Variants in DYM observed in about 807,000 individuals in gnomAD.
The protein encoded by DYM is dyggve-Melchior-Clausen syndrome protein.
Under a neutral mutation model 93.1 loss-of-function variants are expected in DYM, and 78 were observed. The ratio of observed to expected loss-of-function variants is 0.84; its 90% confidence interval spans 0.70 to 1.01. The LOEUF (loss-of-function observed/expected upper bound fraction) is 1.01, where lower values mean the gene tolerates loss of function less well. DYM is among the 50% of genes least tolerant of loss of function. The probability of loss-of-function intolerance (pLI) is 0.00; values close to 1 mark genes in which losing one functional copy is unlikely to be tolerated. For missense variants in DYM, 789 were observed against 845.0 expected (o/e 0.93, Z 0.82); for synonymous variants, 321 against 319.7 (o/e 1.00, Z -0.04).
rs546955346 is a variant in DYM, at chr18:49,045,824, G to A, written c.2026-1620C>T. Among the ~76,000 whole-genome samples the A allele has an allele frequency of 5.1e-3, 779 of 152,230 alleles. 2 individuals carry two copies. Among genetic ancestry groups the A allele is most frequent in the Non-Finnish European group, 8.3e-3 (566 of 68,002 alleles). On this transcript the variant is annotated intron_variant, in intron 17 of 17. Transcript: ENST00000675505. ...AGGGGGTGGGGGAAGAGCACACACC[G>A]GGGAGCAGAGGCCAGACTGGGGAGC...
intron 11 of DYM, among the ~76,000 whole-genome samples, chr18:49,262,958 G>GA (rs1598976430): frequency 6.6e-6 from 1 of 151,986 alleles, no homozygotes; most frequent in African/African-American, 2.4e-5. Flanking sequence ...ATGAAAGTCA[G>GA]AAAAAAAGAA....
At chr18:49,435,789 C>A (rs1329318651) in intron 1 of DYM, among the ~76,000 whole-genome samples, 10 of 151,324 alleles carry the variant, frequency 6.6e-5, no homozygotes, top group Non-Finnish European at 1.2e-4. Flanking sequence ...CACTCCATCT[C>A]AAAAAAAACA....
At position 49,146,815 on chromosome 18, in the gene DYM, T is replaced by C. The variant is rs538360342; in HGVS notation, c.1728+16870A>G. ...AATGCCATCCCCATCAAGCTACCAA[T>C]GACCTTCTTCACAGAATTGGAAAAA... On this transcript the variant is annotated intron_variant, in intron 15 of 17. Coordinates refer to ENST00000675505, the MANE Select transcript of DYM (RefSeq NM_001353214.3). 3.9e-5 allele frequency among the ~76,000 whole-genome samples: 6 copies of C among 152,272 alleles called. No individual in the cohort carries two copies. In the South Asian group the frequency reaches 8.3e-4, roughly 21 times the overall value.
intron 3 of DYM, among the ~76,000 whole-genome samples, chr18:49,385,152 G>C (rs905112343): frequency 6.6e-6 from 1 of 152,112 alleles, no homozygotes; most frequent in African/African-American, 2.4e-5. Flanking sequence ...CAAGAAGTGA[G>C]GATACCCGGC....
At chr18:49,085,754 C>T (rs778936393) in intron 17 of DYM, among the ~76,000 whole-genome samples, 1 of 151,860 alleles carries the variant, frequency 6.6e-6, no homozygotes, top group East Asian at 1.9e-4. Context: ...ATTATAGGCA[C>T]CTGCCACCGC....
intron 6 of DYM, among the ~76,000 whole-genome samples, chr18:49,350,492 G>C (rs529707384): frequency 4.6e-5 from 7 of 152,076 alleles, no homozygotes; most frequent in Non-Finnish European, 8.8e-5. Context: ...CGGATCACGA[G>C]GTCAGGAGTT....
Position 49,085,606 on chromosome 18 carries a change from C to CTTTTTTTTTTTTT in DYM, c.2025+11783_2025+11795dup, listed in dbSNP as rs11437833. Among the ~76,000 whole-genome samples, 111 of 102,168 alleles carry CTTTTTTTTTTTTT rather than the reference C, an allele frequency of 1.1e-3. 7 individuals carry two copies. The highest frequency in any genetic ancestry group is 1.9e-3 in the Non-Finnish European group (95 of 50,726). 67.0% of individuals were successfully genotyped at this position (102,168 alleles called of 152,430 possible). ...GGCAGATGAATAAGGACAACTGGTC[C>CTTTTTTTTTTTTT]TTTTTTTTTTTTTTTTTTTTTGATG... is the stretch of plus-strand genomic sequence containing the variant. On this transcript the variant is annotated intron_variant, in intron 17 of 17. Coordinates refer to ENST00000675505, the MANE Select transcript of DYM (RefSeq NM_001353214.3).
At chr18:49,130,691 C>T (rs967367519) in intron 15 of DYM, among the ~76,000 whole-genome samples, 2 of 152,106 alleles carry the variant, frequency 1.3e-5, no homozygotes, top group Non-Finnish European at 2.9e-5. Context: ...CAATAGATTT[C>T]CTAGAATTAT....
intron 15 of DYM, among the ~76,000 whole-genome samples, chr18:49,143,932 T>C (rs1283999057): frequency 1.3e-5 from 2 of 152,140 alleles, no homozygotes; most frequent in Admixed American, 6.6e-5. Context: ...CATAAATATA[T>C]TGGTTAAGTA....
At chr18:49,131,975 G>C (rs969279965) in intron 15 of DYM, among the ~76,000 whole-genome samples, 1 of 152,128 alleles carries the variant, frequency 6.6e-6, no homozygotes, top group African/African-American at 2.4e-5. Context: ...AGAGACAGGA[G>C]ACACAACAAC....
intron 11 of DYM, among the ~76,000 whole-genome samples, chr18:49,268,529 G>A (rs563609621): frequency 2.0e-5 from 3 of 152,228 alleles, no homozygotes; most frequent in African/African-American, 7.2e-5. Context: ...ATACAGAAAA[G>A]TATAGAAAAT....
At chr18:49,153,042 T>C (rs561812067) in intron 15 of DYM, among the ~76,000 whole-genome samples, 2 of 152,306 alleles carry the variant, frequency 1.3e-5, no homozygotes, top group African/African-American at 2.4e-5. Flanking sequence ...GTGTATAGCA[T>C]GGTGACTGTA....
intron 8 of DYM, among the ~76,000 whole-genome samples, chr18:49,292,603 A>AC (rs2060222990): frequency 1.5e-5 from 1 of 66,236 alleles, no homozygotes; most frequent in African/African-American, 8.9e-5. Context: ...AAAAAAAAAA[A>AC]AAAAAAAAAA....
chr18:49,435,924 AAC>A (rs1297036925), intron 1 of DYM, among the ~76,000 whole-genome samples: 1 of 152,208 alleles, frequency 6.6e-6, no homozygotes, highest in African/African-American at 2.4e-5. Flanking sequence ...GTCCATATTA[AAC>A]ATGATGAGAT....
chr18:49,078,023 C>T (rs2077454580), intron 17 of DYM, among the ~76,000 whole-genome samples: 1 of 152,134 alleles, frequency 6.6e-6, no homozygotes, highest in Non-Finnish European at 1.5e-5. Flanking sequence ...TTTGTTCCTC[C>T]TTTCCTGCTT....
chr18:49,442,611 C>G (rs1455686401), intron 1 of DYM, among the ~76,000 whole-genome samples: 1 of 151,872 alleles, frequency 6.6e-6, no homozygotes, highest in Admixed American at 6.6e-5. Flanking sequence ...ACAGATGATT[C>G]TAAGAAAAAA....
At chr18:49,089,600 C>T (rs917958926) in intron 17 of DYM, among the ~76,000 whole-genome samples, 4 of 152,174 alleles carry the variant, frequency 2.6e-5, no homozygotes, top group Non-Finnish European at 5.9e-5. Flanking sequence ...TAGTGGTTCC[C>T]AAATCTGGCA....
chr18:49,159,045 A>G (rs957927902), intron 15 of DYM, among the ~76,000 whole-genome samples: 2 of 152,196 alleles, frequency 1.3e-5, no homozygotes, highest in Non-Finnish European at 2.9e-5. Context: ...AATTTAAAAA[A>G]GAATACTCTA....
intron 13 of DYM, among the ~76,000 whole-genome samples, chr18:49,217,467 T>G (rs1475841677): frequency 6.6e-6 from 1 of 151,834 alleles, no homozygotes; most frequent in East Asian, 1.9e-4. Flanking sequence ...TTCACCAAAG[T>G]TGAAATGAAG....
Sources: allele counts gnomAD v4.1 joint callset (sites outside exome capture counted in the v4.1 genomes callset), GRCh38; gene constraint gnomAD v4.1.1; transcripts MANE v1.5; gene names NCBI Gene and HGNC (gene_info 2026-07-23, HGNC 2026-07-21).